Variants in IKZF2 observed in about 807,000 individuals in gnomAD.
The protein encoded by IKZF2 is IKAROS family zinc finger 2, also known as zinc finger protein Helios.
IKZF2 carries 15 observed loss-of-function variants against 49.2 expected under a neutral mutation model. The ratio of observed to expected loss-of-function variants is 0.30; its 90% CI spans 0.20 to 0.47. The LOEUF (loss-of-function observed/expected upper bound fraction) is 0.47. IKZF2 is among the 20% of genes least tolerant of loss of function. The pLI is 1.00. For missense variants in IKZF2, 567 were observed against 664.6 expected, an observed-to-expected ratio of 0.85 and a Z score of 1.61; for synonymous variants, 227 against 221.4, an observed-to-expected ratio of 1.03 and a Z score of -0.23.
chr2:213,138,593 C>T (rs1368484429), intron 4 of IKZF2, among the ~76,000 whole-genome samples: 2 of 151,958 alleles, frequency 1.3e-5, no homozygotes, highest in Admixed American at 1.3e-4. Flanking sequence ...ACAATGCATA[C>T]AATGCATATG....
chr2:213,087,700 G>T (rs968599163), intron 4 of IKZF2, among the ~76,000 whole-genome samples: 2 of 152,082 alleles, frequency 1.3e-5, no homozygotes, highest in African/African-American at 4.8e-5. Flanking sequence ...CCCACCCTGT[G>T]TCCAAGTGTT....
intron 4 of IKZF2, among the ~76,000 whole-genome samples, chr2:213,066,554 C>T (rs976711547): frequency 6.6e-6 from 1 of 152,072 alleles, no homozygotes; most frequent in African/African-American, 2.4e-5. Context: ...CCCTCAGATG[C>T]AGGATTGGTC....
intron 4 of IKZF2, among the ~76,000 whole-genome samples, chr2:213,057,493 C>G (rs966683207): frequency 3.3e-5 from 5 of 152,048 alleles, no homozygotes; most frequent in African/African-American, 1.2e-4. Flanking sequence ...ACTATGCCTC[C>G]TCTTAATTTA....
At chr2:213,082,363 C>T (rs1037214782) in intron 4 of IKZF2, among the ~76,000 whole-genome samples, 1 of 152,106 alleles carries the variant, frequency 6.6e-6, no homozygotes, top group Admixed American at 6.5e-5. Flanking sequence ...ATACAAGGTA[C>T]AGCAAATGTC....
chr2:213,073,998 G>A (rs1702980325), intron 4 of IKZF2, among the ~76,000 whole-genome samples: 1 of 152,060 alleles, frequency 6.6e-6, no homozygotes, highest in South Asian at 2.1e-4. Flanking sequence ...CTGAGAAAGT[G>A]ACAATATTCA....
intron 6 of IKZF2, among the ~76,000 whole-genome samples, chr2:213,027,589 A>G (rs1697955250): frequency 6.6e-6 from 1 of 152,030 alleles, no homozygotes; most frequent in Non-Finnish European, 1.5e-5. Flanking sequence ...GGTTTATTAC[A>G]GAGTTGTTAT....
At chr2:213,129,750 A>G in intron 4 of IKZF2, among the ~76,000 whole-genome samples, 1 of 152,190 alleles carries the variant, frequency 6.6e-6, no homozygotes, top group Non-Finnish European at 1.5e-5. Flanking sequence ...GACCGGTTAA[A>G]CTGTTGCAAT....
At chr2:213,144,694 T>C (rs988885500) in intron 4 of IKZF2, among the ~76,000 whole-genome samples, 1 of 151,976 alleles carries the variant, frequency 6.6e-6, no homozygotes, top group Admixed American at 6.6e-5. Context: ...CCGAAGATTG[T>C]CAGCAGACTC....
Position 213,022,077 on chromosome 2 carries a change from A to C in IKZF2, c.628T>G (p.Ser210Ala), listed in dbSNP as rs1697289817. The C allele has an allele frequency of 6.2e-7, 1 of 1,613,678 alleles. No individual in the cohort carries two copies. Among genetic ancestry groups the C allele is most frequent in the Non-Finnish European group, 8.5e-7 (1 of 1,179,824 alleles). ...YCGRSYKQRS[S>A]LEEHKERCHN... Reference sequence around the variant, plus strand: ...CAGCGTTCCTTGTGCTCCTCCAGTGAACTGCGCTGCTTGTAGCTTCGTCCA... The same window carrying C: ...CAGCGTTCCTTGTGCTCCTCCAGTGCACTGCGCTGCTTGTAGCTTCGTCCA... Residue 210 changes from serine (S) to alanine (A), a missense_variant, in exon 7 of 9, where the codon TCA becomes GCA. By Grantham distance (99) the Ser-to-Ala change is moderately conservative. Around this residue, in one of 5 missense-constraint regions of IKZF2, gnomAD observed 310 missense variants for 326.9 expected, o/e 0.95. Transcript: ENST00000434687.
At chr2:213,021,902 A>T in intron 7 of IKZF2, 91 bp downstream of exon 7, 1 of 1,345,478 alleles carries the variant, frequency 7.4e-7, no homozygotes, top group Non-Finnish European at 1.0e-6. Flanking sequence ...AGTGATCTAA[A>T]ATAGTTTTAA....
chr2:213,147,654 C>A, intron 4 of IKZF2, 54 bp downstream of exon 4: 1 of 1,311,870 alleles, frequency 7.6e-7, no homozygotes, highest in South Asian at 1.2e-5. Flanking sequence ...AAATTAAAGT[C>A]TGTTGCTGGA....
intron 7 of IKZF2, among the ~76,000 whole-genome samples, chr2:213,016,366 A>G (rs1168485137): frequency 6.6e-6 from 1 of 152,110 alleles, no homozygotes; most frequent in South Asian, 2.1e-4. Flanking sequence ...CCATTACGCT[A>G]TACTACTCTT....
At chr2:213,100,149 G>GT (rs1179984191) in intron 4 of IKZF2, among the ~76,000 whole-genome samples, 1 of 152,014 alleles carries the variant, frequency 6.6e-6, no homozygotes, top group Non-Finnish European at 1.5e-5. Flanking sequence ...GGACCAATTG[G>GT]TTTTTTAAAT....
At chr2:213,117,698 C>T (rs1014779428) in intron 4 of IKZF2, among the ~76,000 whole-genome samples, 4 of 152,202 alleles carry the variant, frequency 2.6e-5, no homozygotes, top group Non-Finnish European at 4.4e-5. Context: ...TACAATACTT[C>T]CGTTTCCCAC....
chr2:213,018,309 T>A (rs1696832402), intron 7 of IKZF2, among the ~76,000 whole-genome samples: 1 of 152,136 alleles, frequency 6.6e-6, no homozygotes, highest in Non-Finnish European at 1.5e-5. Flanking sequence ...TTAAATAATT[T>A]AATTATATAA....
chr2:213,095,306 C>A (rs1705843146), intron 4 of IKZF2, among the ~76,000 whole-genome samples: 1 of 151,990 alleles, frequency 6.6e-6, no homozygotes, highest in South Asian at 2.1e-4. Context: ...CTAAATAAAT[C>A]ATTTTTAAAT....
At chr2:213,010,642 C>G (rs114100989) in intron 8 of IKZF2, among the ~76,000 whole-genome samples, 2,076 of 152,152 alleles carry the variant, frequency 0.014, 52 homozygotes, top group African/African-American at 0.048. Context: ...GTAAAAAGAA[C>G]CTGGATATGC....
At chr2:213,026,313 T>C (rs1482491633) in intron 6 of IKZF2, among the ~76,000 whole-genome samples, 7 of 152,176 alleles carry the variant, frequency 4.6e-5, no homozygotes, top group Non-Finnish European at 7.4e-5. Context: ...TATTCCTGTA[T>C]TGACCCTCAT....
intron 6 of IKZF2, among the ~76,000 whole-genome samples, chr2:213,036,180 G>T (rs1317250648): frequency 6.6e-6 from 1 of 152,090 alleles, no homozygotes; most frequent in Non-Finnish European, 1.5e-5. Flanking sequence ...GTATGTGTGT[G>T]TTTGAAATCT....
Sources: allele counts gnomAD v4.1 joint callset (sites outside exome capture counted in the v4.1 genomes callset), GRCh38; gene constraint gnomAD v4.1.1; regional missense constraint gnomAD v4.1.1; transcripts MANE v1.5; gene names NCBI Gene and HGNC (gene_info 2026-07-23, HGNC 2026-07-21).